The following HNF4G variants were observed in gnomAD, a reference collection of about 807,000 sequenced individuals.
The protein encoded by HNF4G is hepatocyte nuclear factor 4-gamma.
In HNF4G, 21 loss-of-function variants were observed where a neutral mutation model predicts 50.9. The ratio of observed to expected loss-of-function variants is 0.41; its 90% CI spans 0.29 to 0.59. The LOEUF (loss-of-function observed/expected upper bound fraction) is 0.59, where lower values mean the gene tolerates loss of function less well. HNF4G is among the 20% of genes least tolerant of loss of function. The pLI is 0.26. For missense variants in HNF4G, 527 were observed against 559.4 expected (o/e 0.94, Z 0.58); for synonymous variants, 198 against 185.6 (o/e 1.07, Z -0.54).
chr8:75,526,674 A>G (rs1806188419), intron 2 of HNF4G, among the ~76,000 whole-genome samples: 1 of 151,704 alleles, frequency 6.6e-6, no homozygotes, highest in Non-Finnish European at 1.5e-5. Context: ...AGCTGGAACT[A>G]TAAGCATGCC....
At chr8:75,422,053 T>C (rs1413106326) in intron 1 of HNF4G, among the ~76,000 whole-genome samples, 1 of 152,120 alleles carries the variant, frequency 6.6e-6, no homozygotes, top group Non-Finnish European at 1.5e-5. Context: ...AGGGGAAAGA[T>C]AACAACAAAA....
rs147043412 is a variant in HNF4G, at chr8:75,501,523, C to T, written c.-24+11315C>T. Among the ~76,000 whole-genome samples the T allele has an allele frequency of 5.9e-4, 90 of 152,258 alleles. 2 individuals are homozygous for T. Among genetic ancestry groups the T allele is most frequent in the Admixed American group, 5.4e-3 (83 of 15,290 alleles). ...CAGAATCCAAATGTACTCCAAAACACACACATATAGTTTTGTTATTTTTTT... is the reference window on the plus strand; with the variant it reads ...CAGAATCCAAATGTACTCCAAAACATACACATATAGTTTTGTTATTTTTTT... On this transcript the variant is annotated intron_variant, in intron 2 of 10. Coordinates refer to the HNF4G transcript ENST00000354370.
At chr8:75,494,300 G>GCACA (rs755362411) in intron 2 of HNF4G, among the ~76,000 whole-genome samples, 2,664 of 77,024 alleles carry the variant, frequency 0.035, 64 homozygotes, top group East Asian at 0.12. Flanking sequence ...CTCCCATACA[G>GCACA]CACACACACA....
chr8:75,432,500 C>T (rs1286468686), intron 1 of HNF4G, among the ~76,000 whole-genome samples: 1 of 152,044 alleles, frequency 6.6e-6, no homozygotes, highest in Admixed American at 6.6e-5. Context: ...GGGGTTTCAG[C>T]ATGTTGGCCA....
At chr8:75,553,923 A>G (rs1169616168) in intron 5 of HNF4G, among the ~76,000 whole-genome samples, 2 of 152,136 alleles carry the variant, frequency 1.3e-5, no homozygotes, top group Admixed American at 6.6e-5. Flanking sequence ...AAAGATAAGT[A>G]TTTTGGTTTC....
At chr8:75,447,153 A>G (rs1326701342) in intron 1 of HNF4G, among the ~76,000 whole-genome samples, 1 of 78,204 alleles carries the variant, frequency 1.3e-5, no homozygotes, top group Non-Finnish European at 2.3e-5. Context: ...CTGATCTTTG[A>G]CAAACCTGAG....
chr8:75,553,858 C>A (rs1466851213), intron 5 of HNF4G, among the ~76,000 whole-genome samples: 1 of 151,886 alleles, frequency 6.6e-6, no homozygotes, highest in Non-Finnish European at 1.5e-5. Context: ...TTGTCATATG[C>A]CCATTAGGAT....
intron 2 of HNF4G, among the ~76,000 whole-genome samples, chr8:75,521,832 T>G (rs1043449990): frequency 1.3e-5 from 2 of 152,310 alleles, no homozygotes; most frequent in Admixed American, 6.5e-5. Context: ...CTTTTAAAGT[T>G]ATAGTCACTC....
chr8:75,540,098 T>TA lies in HNF4G; in HGVS notation c.118+19dup. ...TTCAAGTGGTGAGTTATCATCTGTT[T>TA]ATAGATGTAAAGAAAAGTAAGTATA... On this transcript the variant is annotated intron_variant, in intron 1 of 9. Coordinates refer to ENST00000396423, the MANE Select transcript of HNF4G (RefSeq NM_004133.5). The TA allele has an allele frequency of 7.5e-7, 1 of 1,327,706 alleles. No individual in the cohort carries two copies. Among genetic ancestry groups the TA allele is most frequent in the East Asian group, 2.3e-5 (1 of 43,566 alleles). 82.2% of individuals were successfully genotyped at this position (1,327,706 alleles called of 1,614,324 possible). A position where few individuals can be genotyped will look rare whatever the true frequency, so the allele number is the denominator to read the frequency against.
At chr8:75,536,167 A>T (rs1230852305), upstream of HNF4G, among the ~76,000 whole-genome samples, 1 of 151,956 alleles carries the variant, frequency 6.6e-6, no homozygotes, top group Non-Finnish European at 1.5e-5. Context: ...CAGATACTGG[A>T]AAGCAATGTT....
intron 1 of HNF4G, among the ~76,000 whole-genome samples, chr8:75,420,761 G>A (rs1033622266): frequency 2.6e-5 from 4 of 152,184 alleles, no homozygotes; most frequent in Admixed American, 2.0e-4. Context: ...AGCAGCAGAC[G>A]GTTGAGTGGA....
chr8:75,494,300 G>GCACACA lies in HNF4G; in HGVS notation c.-24+4137_-24+4142dup, dbSNP rs755362411. On this transcript the variant is annotated intron_variant, in intron 2 of 10. Transcript: ENST00000354370. ...AAAAAAGCTACTGCTCTCCCATACA[G>GCACACA]CACACACACACACACACACACACAC... Among the ~76,000 whole-genome samples the GCACACA allele has an allele frequency of 5.5e-3, 422 of 77,244 alleles. 6 individuals carry two copies. Among genetic ancestry groups the GCACACA allele is most frequent in the East Asian group, 0.015 (51 of 3,338 alleles). 50.7% of individuals were successfully genotyped at this position (77,244 alleles called of 152,430 possible).
chr8:75,416,932 G>A (rs1049086965), intron 1 of HNF4G, among the ~76,000 whole-genome samples: 13 of 152,212 alleles, frequency 8.5e-5, no homozygotes, highest in African/African-American at 3.1e-4. Context: ...ACTGTACATT[G>A]TGAGACATAA....
intron 1 of HNF4G, among the ~76,000 whole-genome samples, chr8:75,432,681 C>T (rs1381498101): frequency 1.3e-5 from 2 of 152,130 alleles, no homozygotes. Context: ...TTCTGAGATG[C>T]CACCCAGCGA....
intron 1 of HNF4G, among the ~76,000 whole-genome samples, chr8:75,480,717 C>CTTTTTTTTTTTTTT (rs748221253): frequency 5.6e-5 from 7 of 123,918 alleles, no homozygotes; most frequent in Non-Finnish European, 9.8e-5. Flanking sequence ...TTTTCTTTTT[C>CTTTTTTTTTTTTTT]TTTCTTTTTT....
intron 1 of HNF4G, among the ~76,000 whole-genome samples, chr8:75,483,653 G>A (rs1812432699): frequency 6.6e-6 from 1 of 152,132 alleles, no homozygotes; most frequent in South Asian, 2.1e-4. Context: ...GAAGCTTAAT[G>A]TCGTGTATTT....
intron 1 of HNF4G, among the ~76,000 whole-genome samples, chr8:75,428,211 G>T (rs1810930430): frequency 6.6e-6 from 1 of 152,164 alleles, no homozygotes; most frequent in Admixed American, 6.5e-5. Flanking sequence ...TAGCAGGTGG[G>T]TGTATGATTG....
At chr8:75,426,606 T>C (rs1348775841) in intron 1 of HNF4G, among the ~76,000 whole-genome samples, 1 of 152,240 alleles carries the variant, frequency 6.6e-6, no homozygotes, top group Non-Finnish European at 1.5e-5. Flanking sequence ...GTTTTAACCT[T>C]AATAATATTG....
intron 2 of HNF4G, among the ~76,000 whole-genome samples, chr8:75,494,820 T>C (rs1365424744): frequency 2.0e-5 from 3 of 152,024 alleles, no homozygotes; most frequent in African/African-American, 7.2e-5. Flanking sequence ...TATACAATTA[T>C]AGAAAAATAT....
Sources: gnomAD v4.1 joint callset for allele counts (sites outside exome capture counted in the v4.1 genomes callset) on GRCh38, gnomAD v4.1.1 for gene constraint, MANE v1.5 for transcripts, NCBI Gene and HGNC (gene_info 2026-07-23, HGNC 2026-07-21) for gene names.